The following ZNF765 variants were observed in gnomAD, a reference collection of about 807,000 sequenced individuals.
ZNF765 encodes the protein zinc finger protein 765.
A neutral mutation model predicts 44.7 loss-of-function variants in ZNF765; 37 were observed. The observed-to-expected ratio is 0.83, with a 90% confidence interval of 0.64 to 1.09. The LOEUF is 1.09. ZNF765 is among the 50% of genes least tolerant of loss of function. The pLI, the probability that ZNF765 is intolerant of heterozygous loss-of-function variation, is 0.00. For synonymous variants in ZNF765, 201 were observed against 213.7 expected (o/e 0.94, Z 0.52); for missense variants, 594 against 626.1 (o/e 0.95, Z 0.55).
intron 3 of ZNF765, among the ~76,000 whole-genome samples, chr19:53,419,878 G>A (rs2085897112): frequency 6.6e-6 from 1 of 151,394 alleles, no homozygotes; most frequent in South Asian, 2.1e-4. Flanking sequence ...GATTACCTGG[G>A]CATGGTGGCA....
rs151229292 is a variant in ZNF765, at chr19:53,411,094, T to C, written c.*1967T>C. 8.4e-5 allele frequency: 22 copies of C among 260,712 alleles called. No individual in the cohort carries two copies. The East Asian group carries it at 2.3e-3, about 27-fold the overall frequency. The allele number at this position is 260,712 out of a possible 1,614,324, so 16.1% of individuals were successfully genotyped here. ...GACTTGAGTTTGACTTAACATTGAGTTGAAGCCTTAATTGACATTAAAGTG... is the reference window on the plus strand; with the variant it reads ...GACTTGAGTTTGACTTAACATTGAGCTGAAGCCTTAATTGACATTAAAGTG... On this transcript the variant is annotated 3_prime_UTR_variant, in exon 4 of 4. Transcript: ENST00000396408.
At chr19:53,396,199 G>A (rs147395748) in intron 1 of ZNF765, among the ~76,000 whole-genome samples, 3 of 152,070 alleles carry the variant, frequency 2.0e-5, no homozygotes, top group Admixed American at 1.3e-4. Flanking sequence ...AGAGGGAGAA[G>A]CACAGCAGGG....
chr19:53,404,275 C>A (rs1294801989), intron 3 of ZNF765, among the ~76,000 whole-genome samples: 2 of 151,872 alleles, frequency 1.3e-5, no homozygotes, highest in African/African-American at 4.8e-5. Flanking sequence ...AGGCTTTCTC[C>A]TTTTTGGTCA....
At position 53,410,637 on chromosome 19, in the gene ZNF765, G is replaced by A. The variant is rs1188312459; in HGVS notation, c.*1510G>A. 15 of 476,708 alleles carry A rather than the reference G, an allele frequency of 3.1e-5. No individual in the cohort carries two copies. Among genetic ancestry groups the A allele is most frequent in the East Asian group, 1.7e-4 (3 of 17,712 alleles). 29.5% of individuals were successfully genotyped at this position (476,708 alleles called of 1,614,324 possible). Reference sequence around the variant, plus strand: ...TCTTCAGTTACACTACAACCATTGCGAATCATTGGAGAATCCATAATGAAG... The same window carrying A: ...TCTTCAGTTACACTACAACCATTGCAAATCATTGGAGAATCCATAATGAAG... On this transcript the variant is annotated 3_prime_UTR_variant, in exon 4 of 4. Transcript: ENST00000396408.
chr19:53,414,476 CACACACACA>C (rs2085860290), downstream of ZNF765, among the ~76,000 whole-genome samples: 2 of 20,156 alleles, frequency 9.9e-5, no homozygotes, highest in African/African-American at 5.2e-4. Context: ...CACACACACA[CACACACACA>C]CACACCCCCC....
In ZNF765 at chr19:53,408,933, C is replaced by T; in HGVS notation, c.1378C>T (p.His460Tyr). Residue 460 changes from histidine to tyrosine, a missense_variant, in exon 4 of 4, where the codon CAT becomes TAT. Physicochemically the swap from His to Tyr is moderately conservative, Grantham distance 83. Transcript: ENST00000396408. ...AAACCTTGAAATACATCAGAAAATTCATACTGAAGAGAATCCTTACAAGTG... is the reference window on the plus strand; with the variant it reads ...AAACCTTGAAATACATCAGAAAATTTATACTGAAGAGAATCCTTACAAGTG... ...KSNLEIHQKI[H>Y]TEENPYKCNE... The T allele has an allele frequency of 6.2e-7, 1 of 1,613,700 alleles. No homozygotes were observed. The highest frequency in any genetic ancestry group is 8.5e-7 in the Non-Finnish European group (1 of 1,179,940).
intron 1 of ZNF765, among the ~76,000 whole-genome samples, chr19:53,395,724 A>G (rs914727188): frequency 2.6e-5 from 4 of 152,148 alleles, no homozygotes; most frequent in Admixed American, 2.0e-4. Context: ...AGCCCGAGTT[A>G]GGGAGGTGCC....
At position 53,410,847 on chromosome 19, in the gene ZNF765, GA is replaced by G. The variant is rs2085827085; in HGVS notation, c.*1721del. 2.1e-6 allele frequency: 1 copy of G among 478,382 alleles called. No homozygotes were observed. The allele number at this position is 478,382 out of a possible 1,614,324, so 29.6% of individuals were successfully genotyped here. A position where few individuals can be genotyped will look rare whatever the true frequency, so the allele number is the denominator to read the frequency against. Reference sequence around the variant, plus strand: ...TACAGGAGAGAAACCTCACAAGTGTGATGATTGCGGCAAAGCCTTTAATTCA... The same window carrying G: ...TACAGGAGAGAAACCTCACAAGTGTGTGATTGCGGCAAAGCCTTTAATTCA... On this transcript the variant is annotated 3_prime_UTR_variant, in exon 4 of 4. Coordinates refer to ENST00000396408, the MANE Select transcript of ZNF765 (RefSeq NM_001040185.3).
intron 1 of ZNF765, among the ~76,000 whole-genome samples, chr19:53,397,533 A>G (rs1302601885): frequency 6.6e-6 from 1 of 152,176 alleles, no homozygotes; most frequent in East Asian, 1.9e-4. Context: ...AGACGTGCAC[A>G]ACCATGCCTG....
intron 2 of ZNF765, among the ~76,000 whole-genome samples, chr19:53,401,082 C>T (rs902198449): frequency 2.6e-5 from 4 of 151,622 alleles, no homozygotes; most frequent in African/African-American, 9.7e-5. Flanking sequence ...ATCATTGCAA[C>T]CTCTGCCTCC....
At chr19:53,396,009 AAAGGAG>A (rs2085665033) in intron 1 of ZNF765, among the ~76,000 whole-genome samples, 1 of 151,564 alleles carries the variant, frequency 6.6e-6, no homozygotes, top group Admixed American at 6.6e-5. Flanking sequence ...AAAAAAAAAA[AAAGGAG>A]GAGAAAAGCA....
exon 4 of ZNF765, chr19:53,426,071 T>G (rs1024247128): frequency 5.9e-5 from 9 of 152,362 alleles, no homozygotes; most frequent in African/African-American, 1.9e-4. Flanking sequence ...TGGGAGGAGC[T>G]CTGAACTTCT....
chr19:53,425,895 C>T (rs3761114), exon 4 of ZNF765: 36,949 of 152,180 alleles, frequency 0.24, 4,806 homozygotes, highest in East Asian at 0.49. Flanking sequence ...GTCAAGAGAT[C>T]GAAACCATCC....
At chr19:53,397,828 G>A (rs1445431738) in intron 1 of ZNF765, 115 bp from the exon 2 acceptor site, 31 of 1,071,708 alleles carry the variant, frequency 2.9e-5, no homozygotes, top group South Asian at 3.4e-5. Context: ...TGGTGTGGTC[G>A]GCAGCATAGG....
intron 1 of ZNF765, among the ~76,000 whole-genome samples, chr19:53,397,630 C>T (rs1367331321): frequency 6.6e-6 from 1 of 152,100 alleles, no homozygotes; most frequent in Non-Finnish European, 1.5e-5. Flanking sequence ...ATCTACGCAC[C>T]TCGGCCTCCC....
At chr19:53,426,293 G>A (rs1341283853) in exon 4 of ZNF765, 1 of 152,220 alleles carries the variant, frequency 6.6e-6, no homozygotes, top group Non-Finnish European at 1.5e-5. Context: ...CTTCACAAAT[G>A]GCCTCAGACC....
intron 2 of ZNF765, among the ~76,000 whole-genome samples, chr19:53,400,482 T>A (rs191916209): frequency 2.0e-5 from 3 of 151,976 alleles, no homozygotes; most frequent in African/African-American, 7.2e-5. Flanking sequence ...TCTGACAAGA[T>A]TCCCCCCTGT....
downstream of ZNF765, among the ~76,000 whole-genome samples, chr19:53,415,616 G>T (rs879734251): frequency 2.0e-5 from 3 of 152,072 alleles, no homozygotes; most frequent in Non-Finnish European, 4.4e-5. Context: ...GTTTACTACA[G>T]CACTCATTTA....
At position 53,408,321 on chromosome 19, in the gene ZNF765, C is replaced by G. The variant is rs776066046; in HGVS notation, c.766C>G (p.Arg256Gly). 10 of 1,614,152 alleles carry G rather than the reference C, an allele frequency of 6.2e-6. No homozygotes were observed. The South Asian group carries it at 1.1e-4, about 18-fold the overall frequency. ...DICGKVFNSK[R>G]YVARHRRCHT... is the part of the protein sequence containing the mutation. ...ATGTGGCAAGGTCTTTAATTCGAAGCGATACGTTGCACGCCATCGTAGATG... is the reference window on the plus strand; with the variant it reads ...ATGTGGCAAGGTCTTTAATTCGAAGGGATACGTTGCACGCCATCGTAGATG... Residue 256 changes from arginine to glycine, a missense_variant, in exon 4 of 4, where the codon CGA (arginine) becomes GGA (glycine). Arg to Gly is a moderately radical substitution (Grantham distance 125). Coordinates refer to ENST00000396408, the MANE Select transcript of ZNF765 (RefSeq NM_001040185.3).
Sources: gnomAD v4.1 joint callset for allele counts (sites outside exome capture counted in the v4.1 genomes callset) on GRCh38, gnomAD v4.1.1 for gene constraint, MANE v1.5 for transcripts, NCBI Gene and HGNC (gene_info 2026-07-23, HGNC 2026-07-21) for gene names.